The following ACSS1 variants were observed in gnomAD, a reference collection of about 807,000 sequenced individuals.
ACSS1 encodes acetyl-coenzyme A synthetase 2-like, mitochondrial.
A neutral mutation model predicts 75.3 loss-of-function variants in ACSS1; 42 were observed. That is an observed-to-expected ratio of 0.56 (90% CI 0.44 to 0.72). ACSS1 has a LOEUF of 0.72. Among genes scored for constraint, ACSS1 ranks in the 30% least tolerant of loss-of-function variants. The pLI, the probability that ACSS1 is intolerant of heterozygous loss-of-function variation, is 0.00. For synonymous variants in ACSS1, 380 were observed against 376.8 expected (o/e 1.01, Z -0.10); for missense variants, 782 against 935.7 (o/e 0.84, Z 2.14).
At chr20:25,046,442 C>T (rs910527) in intron 2 of ACSS1, 168,108 of 278,352 alleles carry the variant, frequency 0.6, 53,298 homozygotes, top group East Asian at 0.73. Flanking sequence ...AGTGCTCCCA[C>T]GGGCAGCGTC....
rs2088329257 is a variant in ACSS1 at position 25,007,513 on chromosome 20, A to G, written c.*249T>C. ...TGGCAATGCCTTTTCATTCCAGGAA[A>G]CCAAACTCAGATGGCAGAACCAGCC... On this transcript the variant is annotated 3_prime_UTR_variant, in exon 14 of 14. Transcript: ENST00000323482. 4 of 1,319,818 alleles carry G rather than the reference A, an allele frequency of 3.0e-6. No individual in the cohort carries two copies. The highest frequency in any genetic ancestry group is 3.5e-5 in the Admixed American group (1 of 28,852). 81.8% of individuals were successfully genotyped at this position (1,319,818 alleles called of 1,614,324 possible).
At chr20:25,009,442 T>TC in intron 12 of ACSS1, 54 bp from the exon 13 acceptor site, 1 of 1,458,848 alleles carries the variant, frequency 6.9e-7, no homozygotes. Context: ...AGGAGCCAAC[T>TC]CCCGAGGCAG....
chr20:25,043,416 T>A (rs1173390711), intron 2 of ACSS1, among the ~76,000 whole-genome samples: 3 of 152,188 alleles, frequency 2.0e-5, no homozygotes, highest in Admixed American at 2.0e-4. Flanking sequence ...GGCAGCTCCC[T>A]CTGCCTAGGG....
At chr20:25,012,317 G>T (rs2088423761) in intron 12 of ACSS1, 3 of 503,332 alleles carry the variant, frequency 6.0e-6, no homozygotes, top group Non-Finnish European at 1.1e-5. Flanking sequence ...ACCATGGACA[G>T]AAGGGGAAAC....
intron 2 of ACSS1, among the ~76,000 whole-genome samples, chr20:25,042,862 C>T (rs183126554): frequency 6.6e-6 from 1 of 152,178 alleles, no homozygotes; most frequent in South Asian, 2.1e-4. Flanking sequence ...GAAACGGACC[C>T]TCATCCTCCA....
chr20:25,032,372 C>T (rs1444422895), intron 2 of ACSS1: 1 of 1,363,916 alleles, frequency 7.3e-7, no homozygotes, highest in Non-Finnish European at 9.5e-7. Context: ...AACTTGCCGG[C>T]CATGCGGTGC....
At chr20:25,036,444 C>T (rs1367636904) in intron 2 of ACSS1, among the ~76,000 whole-genome samples, 1 of 151,874 alleles carries the variant, frequency 6.6e-6, no homozygotes, top group Admixed American at 6.6e-5. Flanking sequence ...CCCCACCCCC[C>T]GCCTCAGAAT....
intron 2 of ACSS1, among the ~76,000 whole-genome samples, chr20:25,040,622 T>C (rs1177127800): frequency 6.6e-6 from 1 of 152,248 alleles, no homozygotes; most frequent in Non-Finnish European, 1.5e-5. Context: ...CATTTGCCAG[T>C]GATCATGGTG....
intron 1 of ACSS1, among the ~76,000 whole-genome samples, chr20:25,048,974 G>C (rs1250487792): frequency 3.3e-5 from 5 of 152,278 alleles, no homozygotes; most frequent in Admixed American, 1.3e-4. Context: ...GCTTATCGGA[G>C]GGTCCCCAGG....
rs576830881 is a variant in ACSS1, at chr20:25,047,083, C to T, written c.431+1002G>A. On this transcript the variant is annotated intron_variant, in intron 2 of 13. Coordinates refer to ENST00000323482, the MANE Select transcript of ACSS1 (RefSeq NM_032501.4). ...CTGCCTCCAAAAGTCAGCATGAGCA[C>T]GGTTTTAGCAGGTTTGGTGAATTTG... Among the ~76,000 whole-genome samples the T allele has an allele frequency of 3.4e-4, 52 of 152,296 alleles. 1 individual carries two copies. The South Asian group carries it at 3.7e-3, about 11-fold the overall frequency.
At position 25,012,909 on chromosome 20, in the gene ACSS1, C is replaced by T. The variant is rs1433083125; in HGVS notation, c.1610G>A (p.Arg537Gln). ...GYYFTGDGAYRTEGGYYQITG... is the reference protein window; with the variant it reads ...GYYFTGDGAYQTEGGYYQITG... Reference sequence around the variant, plus strand: ...GATCTGGTAATAGCCGCCCTCAGTTCGGTAAGCCCCGTCTCCAGTGAAGTA... The same window carrying T: ...GATCTGGTAATAGCCGCCCTCAGTTTGGTAAGCCCCGTCTCCAGTGAAGTA... Residue 537 changes from arginine to glutamine, a missense_variant, in exon 11 of 14, where the codon CGA (arginine) becomes CAA (glutamine). Physicochemically the swap from Arg to Gln is conservative, Grantham distance 43. Transcript: ENST00000323482. 7 of 1,614,202 alleles carry T rather than the reference C, an allele frequency of 4.3e-6. No homozygotes were observed. The highest frequency in any genetic ancestry group is 5.9e-6 in the Non-Finnish European group (7 of 1,180,046).
intron 1 of ACSS1, 83 bp from the exon 2 acceptor site, chr20:25,048,264 C>G: frequency 1.6e-6 from 2 of 1,215,448 alleles, no homozygotes; most frequent in East Asian, 4.8e-5. Flanking sequence ...TGGAGCGGGT[C>G]TAGTTTGCTG....
chr20:25,053,653 T>C (rs1298247637), intron 1 of ACSS1, among the ~76,000 whole-genome samples: 2 of 152,220 alleles, frequency 1.3e-5, no homozygotes, highest in Non-Finnish European at 2.9e-5. Flanking sequence ...GCTGTCAGTG[T>C]CCTGCCTTCT....
In ACSS1 at chr20:25,046,786, G is replaced by A. The variant is rs1306690700; in HGVS notation, c.431+1299C>T. On this transcript the variant is annotated intron_variant, in intron 2 of 13. Coordinates refer to ENST00000323482, the MANE Select transcript of ACSS1 (RefSeq NM_032501.4). ...TCCAGTGTGCAGGGGCCACCTGGGG[G>A]GCCGCTCAGTTGTCCAGTGGGGCCC... 7 of 779,486 alleles carry A rather than the reference G, an allele frequency of 9.0e-6. No individual in the cohort carries two copies. In the East Asian group the frequency reaches 1.7e-4, roughly 19 times the overall value. The allele number at this position is 779,486 out of a possible 1,614,324, so 48.3% of individuals were successfully genotyped here.
rs2088314235 is a variant in ACSS1 at position 25,006,684 on chromosome 20, C to A, written c.*1078G>T. 1.1e-6 allele frequency: 1 copy of A among 951,742 alleles called. No homozygotes were observed. Among genetic ancestry groups the A allele is most frequent in the East Asian group, 2.7e-5 (1 of 36,506 alleles). The allele number at this position is 951,742 out of a possible 1,614,324, so 59.0% of individuals were successfully genotyped here. A position where few individuals can be genotyped will look rare whatever the true frequency, so the allele number is the denominator to read the frequency against. On this transcript the variant is annotated 3_prime_UTR_variant, in exon 14 of 14. Coordinates refer to ENST00000323482, the MANE Select transcript of ACSS1 (RefSeq NM_032501.4). Reference sequence around the variant, plus strand: ...CATGCCTAGCAGGGAGGTAAGCACCCACTGGCGTCGTGATTTCCATTATCT... The same window carrying A: ...CATGCCTAGCAGGGAGGTAAGCACCAACTGGCGTCGTGATTTCCATTATCT...
At chr20:25,038,862 C>T (rs145701802) in intron 2 of ACSS1, among the ~76,000 whole-genome samples, 3 of 152,306 alleles carry the variant, frequency 2.0e-5, no homozygotes, top group East Asian at 1.9e-4. Flanking sequence ...TCTGCCATGT[C>T]GTCCTGTCAC....
intron 2 of ACSS1, among the ~76,000 whole-genome samples, chr20:25,037,005 A>AAAGGAAGGAAGGAAGGAAGGAAGG (rs146710264): frequency 2.3e-5 from 3 of 131,844 alleles, no homozygotes; most frequent in Non-Finnish European, 3.2e-5. Flanking sequence ...AAGAAGAAAG[A>AAAGGAAGGAAGGAAGGAAGGAAGG]AAGGAAGGAA....
chr20:25,009,510 A>G (rs1400019100), intron 12 of ACSS1, 122 bp from the exon 13 acceptor site: 8 of 766,492 alleles, frequency 1.0e-5, no homozygotes, highest in Non-Finnish European at 1.1e-5. Context: ...TGTTAGTGAC[A>G]TTGTAGCAGC....
Position 25,007,036 on chromosome 20 carries a change from C to T in ACSS1, c.*726G>A. On this transcript the variant is annotated 3_prime_UTR_variant, in exon 14 of 14. Transcript: ENST00000323482. ...TTCAGAACTAAGGCGGCCACATTCA[C>T]CCCACCGCTTAGGAGTTAGCTCCAT... The T allele has an allele frequency of 6.6e-7, 1 of 1,509,014 alleles. No individual in the cohort carries two copies. Among genetic ancestry groups the T allele is most frequent in the Non-Finnish European group, 8.8e-7 (1 of 1,132,618 alleles). The allele number at this position is 1,509,014 out of a possible 1,614,324, so 93.5% of individuals were successfully genotyped here.
Sources: allele counts gnomAD v4.1 joint callset (sites outside exome capture counted in the v4.1 genomes callset), GRCh38; gene constraint gnomAD v4.1.1; transcripts MANE v1.5; gene names NCBI Gene and HGNC (gene_info 2026-07-23, HGNC 2026-07-21).